The following UBR1 variants were observed in gnomAD, a reference collection of about 807,000 sequenced individuals.
The protein encoded by UBR1 is E3 ubiquitin-protein ligase UBR1.
In UBR1, 102 loss-of-function variants were observed where a neutral mutation model predicts 242.1. The ratio of observed to expected loss-of-function variants is 0.42; its 90% confidence interval spans 0.36 to 0.50. UBR1 has a LOEUF of 0.50. Among genes scored for constraint, UBR1 ranks in the 20% least tolerant of loss-of-function variants. The probability of loss-of-function intolerance (pLI) is 0.01; values close to 1 mark genes in which losing one functional copy is unlikely to be tolerated. For missense variants in UBR1, 1,772 were observed against 2,101.8 expected (o/e 0.84, Z 3.07); for synonymous variants, 675 against 684.8 (o/e 0.99, Z 0.22).
chr15:42,982,470 C>G (rs1041830354), intron 37 of UBR1, among the ~76,000 whole-genome samples: 5 of 152,160 alleles, frequency 3.3e-5, no homozygotes, highest in African/African-American at 1.2e-4. Flanking sequence ...ACTAGTGGAA[C>G]AGCATCAACA....
rs1345707120 is a variant in UBR1 at position 43,075,111 on chromosome 15, T to C, written c.418-22A>G. 8 of 1,562,236 alleles carry C rather than the reference T, an allele frequency of 5.1e-6. No homozygotes were observed. In the South Asian group the frequency reaches 8.9e-5, roughly 17 times the overall value. Reference sequence around the variant, plus strand: ...GCATCTGATAAAGGAAAAATGAGTTTGTCTTGATTTCAAACATTTTACTAA... The same window carrying C: ...GCATCTGATAAAGGAAAAATGAGTTCGTCTTGATTTCAAACATTTTACTAA... On this transcript the variant is annotated intron_variant, in intron 3 of 46. Transcript: ENST00000290650.
chr15:43,044,550 G>C (rs1166618964), intron 14 of UBR1, among the ~76,000 whole-genome samples: 3 of 152,110 alleles, frequency 2.0e-5, no homozygotes, highest in Admixed American at 2.0e-4. Context: ...AGATGATTTG[G>C]AAACATCCCT....
chr15:42,944,979 C>T lies in UBR1; in HGVS notation c.*350G>A, dbSNP rs1012423624. 9 of 280,180 alleles carry T rather than the reference C, an allele frequency of 3.2e-5. No homozygotes were observed. The East Asian group carries it at 8.4e-4, about 26-fold the overall frequency. The allele number at this position is 280,180 out of a possible 1,614,324, so 17.4% of individuals were successfully genotyped here. ...AAACTTGGGGGGAAAACACCAAATA[C>T]AAAATTGCAGAAGAGTTAACCAACA... On this transcript the variant is annotated 3_prime_UTR_variant, in exon 47 of 47. Transcript: ENST00000290650.
At chr15:43,085,062 C>T (rs1290896664) in intron 2 of UBR1, among the ~76,000 whole-genome samples, 2 of 152,218 alleles carry the variant, frequency 1.3e-5, no homozygotes, top group African/African-American at 4.8e-5. Context: ...CTGGCCTCTT[C>T]TATTCAACTA....
At chr15:43,083,714 A>G (rs1188125353) in intron 2 of UBR1, among the ~76,000 whole-genome samples, 2 of 151,790 alleles carry the variant, frequency 1.3e-5, no homozygotes, top group African/African-American at 4.8e-5. Context: ...TATTTAGAAG[A>G]ATTGAAGAGA....
chr15:42,987,861 G>A (rs937003171), intron 35 of UBR1, among the ~76,000 whole-genome samples: 4 of 151,840 alleles, frequency 2.6e-5, no homozygotes, highest in African/African-American at 9.7e-5. Flanking sequence ...ATATTGAAAG[G>A]GAAATCAAAG....
chr15:43,015,740 C>G lies in UBR1; in HGVS notation c.3157G>C (p.Asp1053His), dbSNP rs1262380829. ...TTCCCAGGCATTTCTGATGTATTGT[C>G]ATACATGAGTTTATGAGTTTCAATG... is the stretch of plus-strand genomic sequence containing the variant. ...NFIETHKLMY[D>H]NTSEMPGKED... is the part of the protein sequence containing the mutation. Residue 1053 changes from aspartate (D) to histidine (H), a missense_variant, in exon 29 of 47, where the codon GAC becomes CAC. Coordinates refer to ENST00000290650, the MANE Select transcript of UBR1 (RefSeq NM_174916.3). The G allele has an allele frequency of 6.2e-7, 1 of 1,614,084 alleles. No homozygotes were observed. Among genetic ancestry groups the G allele is most frequent in the Admixed American group, 1.7e-5 (1 of 60,018 alleles).
intron 19 of UBR1, among the ~76,000 whole-genome samples, chr15:43,033,854 A>C (rs549667225): frequency 6.6e-6 from 1 of 152,176 alleles, no homozygotes; most frequent in Admixed American, 6.5e-5. Flanking sequence ...CTATAATCCC[A>C]GCAATTTGAG....
At chr15:43,008,122 TTC>T (rs1831456968) in intron 29 of UBR1, among the ~76,000 whole-genome samples, 1 of 152,270 alleles carries the variant, frequency 6.6e-6, no homozygotes, top group Non-Finnish European at 1.5e-5. Flanking sequence ...GGTGGTATTA[TTC>T]TGTCTAGAGC....
At chr15:43,026,762 A>G in intron 22 of UBR1, 99 bp from the exon 23 acceptor site, 5 of 1,032,700 alleles carry the variant, frequency 4.8e-6, no homozygotes, top group Non-Finnish European at 7.2e-6. Flanking sequence ...TCAAATATAC[A>G]GAAAAAAATT....
chr15:43,077,628 C>A, intron 3 of UBR1, among the ~76,000 whole-genome samples: 1 of 126,642 alleles, frequency 7.9e-6, no homozygotes, highest in African/African-American at 3.0e-5. Flanking sequence ...CTGGGAGAAA[C>A]ACCCAAGAAT....
chr15:43,072,657 G>A, intron 4 of UBR1, among the ~76,000 whole-genome samples: 1 of 152,156 alleles, frequency 6.6e-6, no homozygotes, highest in East Asian at 1.9e-4. Context: ...TATTAACTGT[G>A]AGTTTCTCAT....
intron 37 of UBR1, 70 bp from the exon 38 acceptor site, chr15:42,978,017 A>G: frequency 1.7e-6 from 2 of 1,196,194 alleles, no homozygotes; most frequent in South Asian, 2.4e-5. Flanking sequence ...AATGCAAGCT[A>G]AAAACACCTA....
chr15:42,964,120 G>T, intron 41 of UBR1, 77 bp from the exon 42 acceptor site: 2 of 1,010,646 alleles, frequency 2.0e-6, no homozygotes, highest in Non-Finnish European at 3.1e-6. Context: ...TTTCTTCACT[G>T]TTTATGCTTA....
intron 46 of UBR1, 102 bp from the exon 47 acceptor site, chr15:42,945,572 G>T: frequency 6.9e-7 from 1 of 1,441,718 alleles, no homozygotes; most frequent in Non-Finnish European, 9.5e-7. Flanking sequence ...TCCTGGAGCC[G>T]GGAGGACTCA....
Position 42,990,029 on chromosome 15 carries a change from C to T in UBR1, c.3848+1G>A, listed in dbSNP as rs758623165. The T allele has an allele frequency of 6.2e-6, 10 of 1,603,448 alleles. No homozygotes were observed. The highest frequency in any genetic ancestry group is 1.3e-5 in the African/African-American group (1 of 74,778). ...GTTCTCTTAACTATTTAGATACTTA[C>T]GAAGACTCAACGCCAAAACTCAGGA... On this transcript the variant is annotated splice_donor_variant, in intron 34 of 46. Transcript: ENST00000290650. LOFTEE classifies it high-confidence loss of function.
intron 8 of UBR1, 114 bp downstream of exon 8, chr15:43,059,588 C>CAA (rs36021315): frequency 4.0e-4 from 408 of 1,012,090 alleles, no homozygotes; most frequent in East Asian, 1.2e-3. Context: ...GTGTATAAAC[C>CAA]AAAAAAAAAA....
At chr15:43,015,932 T>A (rs1433705074) in intron 28 of UBR1, 63 bp from the exon 29 acceptor site, 1 of 1,485,288 alleles carries the variant, frequency 6.7e-7, no homozygotes, top group African/African-American at 1.4e-5. Context: ...ATACGCTGTT[T>A]GGATGGCAAA....
chr15:42,967,584 C>T (rs2032129132), intron 40 of UBR1, among the ~76,000 whole-genome samples: 1 of 151,874 alleles, frequency 6.6e-6, no homozygotes, highest in African/African-American at 2.4e-5. Flanking sequence ...CTGTATGATA[C>T]TGTAAAGCGA....
Sources: allele counts gnomAD v4.1 joint callset (sites outside exome capture counted in the v4.1 genomes callset), GRCh38; gene constraint gnomAD v4.1.1; transcripts MANE v1.5; gene names NCBI Gene and HGNC (gene_info 2026-07-23, HGNC 2026-07-21).